Variants in CPED1 observed in about 807,000 individuals in gnomAD.
The protein encoded by CPED1 is cadherin like and PC-esterase domain containing 1, also known as cadherin-like and PC-esterase domain-containing protein 1.
Under a neutral mutation model 128.2 loss-of-function variants are expected in CPED1, and 114 were observed. The ratio of observed to expected loss-of-function variants is 0.89; its 90% CI spans 0.76 to 1.04. The LOEUF (loss-of-function observed/expected upper bound fraction) is 1.04, where lower values mean the gene tolerates loss of function less well. CPED1 is among the 50% of genes least tolerant of loss of function. CPED1 has a pLI of 0.00. For missense variants in CPED1, 1,211 were observed against 1,207.1 expected, an observed-to-expected ratio of 1.00 and a Z score of -0.05; for synonymous variants, 462 against 426.7, an observed-to-expected ratio of 1.08 and a Z score of -1.02.
chr7:121,149,885 G>T (rs1156626791), intron 16 of CPED1, among the ~76,000 whole-genome samples: 1 of 152,062 alleles, frequency 6.6e-6, no homozygotes, highest in Non-Finnish European at 1.5e-5. Flanking sequence ...AGTCCCTGAT[G>T]CCCACATCTT....
intron 16 of CPED1, among the ~76,000 whole-genome samples, chr7:121,156,324 G>GC (rs57008850): frequency 0.44 from 66,743 of 151,990 alleles, 15,926 homozygotes; most frequent in East Asian, 0.84. Flanking sequence ...TGATCCATCA[G>GC]CCCACTGTTG....
intron 22 of CPED1, among the ~76,000 whole-genome samples, chr7:121,281,750 A>G (rs571220167): frequency 3.9e-5 from 6 of 152,164 alleles, no homozygotes; most frequent in African/African-American, 9.7e-5. Context: ...TCTTTGAAAC[A>G]CTGTAATTTT....
In CPED1 at chr7:121,078,677, G is replaced by A. The variant is rs1416360366; in HGVS notation, c.616+14364G>A. Among the ~76,000 whole-genome samples, 6 of 152,158 alleles carry A rather than the reference G, an allele frequency of 3.9e-5. No homozygotes were observed. The East Asian group carries it at 1.2e-3, about 29-fold the overall frequency. On this transcript the variant is annotated intron_variant, in intron 5 of 22. Transcript: ENST00000310396. ...AGAAGATGGCTGCCAGGTACTCCCT[G>A]TTCAGAAATGCAGCCACTTCCTTTT...
intron 17 of CPED1, among the ~76,000 whole-genome samples, chr7:121,239,722 G>C (rs10279122): frequency 6.6e-6 from 1 of 151,996 alleles, no homozygotes; most frequent in Non-Finnish European, 1.5e-5. Flanking sequence ...CCCTAAATCA[G>C]AGTTGAACTT....
intron 14 of CPED1, among the ~76,000 whole-genome samples, chr7:121,137,557 T>G (rs544218891): frequency 9.1e-4 from 139 of 152,216 alleles, no homozygotes; most frequent in African/African-American, 3.2e-3. Context: ...TGATGTTTTA[T>G]CACTATTGTT....
At chr7:121,158,688 T>A (rs1021888341) in intron 16 of CPED1, among the ~76,000 whole-genome samples, 1 of 152,114 alleles carries the variant, frequency 6.6e-6, no homozygotes, top group Admixed American at 6.6e-5. Context: ...TTAGAATCTG[T>A]CACTGCAGGA....
At chr7:121,003,123 A>G (rs1791909232) in intron 2 of CPED1, among the ~76,000 whole-genome samples, 1 of 152,146 alleles carries the variant, frequency 6.6e-6, no homozygotes, top group Non-Finnish European at 1.5e-5. Context: ...GCAGTCCTTG[A>G]ATTCTTCTTT....
chr7:121,264,179 T>C (rs1035684485), intron 18 of CPED1, among the ~76,000 whole-genome samples: 2 of 152,082 alleles, frequency 1.3e-5, no homozygotes, highest in African/African-American at 4.8e-5. Flanking sequence ...GTTGGACTTC[T>C]AGCCTCCAGA....
intron 17 of CPED1, among the ~76,000 whole-genome samples, chr7:121,242,558 C>T (rs1043958144): frequency 6.6e-6 from 1 of 151,998 alleles, no homozygotes; most frequent in Admixed American, 6.5e-5. Flanking sequence ...TATATGGAGA[C>T]ATAAAGGTTA....
chr7:121,129,287 G>GTATATATATATATATACACA (rs1795589191), intron 11 of CPED1, among the ~76,000 whole-genome samples: 2 of 52,028 alleles, frequency 3.8e-5, no homozygotes, highest in East Asian at 3.7e-4. Context: ...GTGTATATAT[G>GTATATATATATATATACACA]TATATATATA....
chr7:121,126,102 A>T (rs1292473063), intron 9 of CPED1, among the ~76,000 whole-genome samples: 1 of 152,206 alleles, frequency 6.6e-6, no homozygotes. Context: ...TCTGTAAAAT[A>T]AACATGAATT....
chr7:121,103,578 A>G (rs896718625), intron 7 of CPED1, among the ~76,000 whole-genome samples: 3 of 152,186 alleles, frequency 2.0e-5, no homozygotes, highest in Non-Finnish European at 4.4e-5. Context: ...CTCACTGCTA[A>G]TGTGGAGGAC....
At chr7:121,016,791 C>A (rs1407638112) in intron 3 of CPED1, among the ~76,000 whole-genome samples, 1 of 152,182 alleles carries the variant, frequency 6.6e-6, no homozygotes, top group Admixed American at 6.5e-5. Flanking sequence ...AGATTTTTCT[C>A]TTTATGATTG....
At chr7:121,247,766 C>G (rs1475373691) in intron 18 of CPED1, among the ~76,000 whole-genome samples, 1 of 152,180 alleles carries the variant, frequency 6.6e-6, no homozygotes, top group East Asian at 1.9e-4. Context: ...AAACAGGGGC[C>G]TTAGTGCACA....
At chr7:121,213,533 T>G (rs1797694271) in intron 16 of CPED1, among the ~76,000 whole-genome samples, 1 of 151,982 alleles carries the variant, frequency 6.6e-6, no homozygotes, top group Admixed American at 6.6e-5. Context: ...CTCCCGTAAT[T>G]CCCACAATTT....
At position 121,130,134 on chromosome 7, in the gene CPED1, T is replaced by C. The variant is rs551582698; in HGVS notation, c.1417T>C (p.Ser473Pro). ...TATTTTGTGTTCTCAGCTCTTCCCA[T>C]CTACTACTCCTGGGATTCAGTCACT... The part of the protein sequence containing the change: ...SLGQFQLLFP[S>P]TTPGIQSLMH... The change falls in exon 12 of 23, where the codon TCT becomes CCT. Residue 473 changes from serine to proline, a missense_variant. Transcript: ENST00000310396. 32 of 1,611,850 alleles carry C rather than the reference T, an allele frequency of 2.0e-5. No homozygotes were observed. The East Asian group carries it at 6.7e-4, about 34-fold the overall frequency.
At chr7:121,165,777 A>G (rs1201665321) in intron 16 of CPED1, among the ~76,000 whole-genome samples, 1 of 152,270 alleles carries the variant, frequency 6.6e-6, no homozygotes, top group East Asian at 1.9e-4. Context: ...TACAATTCAG[A>G]GAAAGACAAT....
chr7:121,295,167 A>ACACACACG (rs1177090164), intron 22 of CPED1, among the ~76,000 whole-genome samples: 1 of 151,980 alleles, frequency 6.6e-6, no homozygotes, highest in Non-Finnish European at 1.5e-5. Context: ...ACACACACAC[A>ACACACACG]CACACACAAA....
At chr7:121,172,811 A>T (rs1314935600) in intron 16 of CPED1, among the ~76,000 whole-genome samples, 6 of 152,190 alleles carry the variant, frequency 3.9e-5, no homozygotes, top group Non-Finnish European at 8.8e-5. Context: ...CCTAGAGTAA[A>T]TGCATATGAT....
Sources: allele counts gnomAD v4.1 joint callset (sites outside exome capture counted in the v4.1 genomes callset), GRCh38; gene constraint gnomAD v4.1.1; transcripts MANE v1.5; gene names NCBI Gene and HGNC (gene_info 2026-07-23, HGNC 2026-07-21).